PIWIL3: variants seen among roughly 807,000 people sequenced by gnomAD.
The protein encoded by PIWIL3 is piwi like RNA-mediated gene silencing 3.
A neutral mutation model predicts 109.7 loss-of-function variants in PIWIL3; 101 were observed. The observed-to-expected ratio is 0.92, with a 90% CI of 0.78 to 1.09. PIWIL3 has a LOEUF of 1.09. Among genes scored for constraint, PIWIL3 ranks in the 50% least tolerant of loss-of-function variants. The pLI is 0.00. For synonymous variants in PIWIL3, 373 were observed against 376.4 expected (o/e 0.99, Z 0.10); for missense variants, 1,031 against 1,072.6 (o/e 0.96, Z 0.54).
Position 24,761,134 on chromosome 22 carries a change from G to C in PIWIL3, c.103-1145C>G, listed in dbSNP as rs115342800. On this transcript the variant is annotated intron_variant, in intron 2 of 20. Transcript: ENST00000616349. ...GTGTGAGTTGTCCACGGACACCCGT[G>C]GGGGTGTTAGGTGGTGCAGGAGAGG... Among the ~76,000 whole-genome samples the C allele has an allele frequency of 1.3e-4, 20 of 152,192 alleles. No individual in the cohort carries two copies. The East Asian group carries it at 3.7e-3, about 28-fold the overall frequency.
At chr22:24,773,959 C>T (rs1043663859) in intron 1 of PIWIL3, among the ~76,000 whole-genome samples, 14 of 151,958 alleles carry the variant, frequency 9.2e-5, no homozygotes, top group African/African-American at 3.1e-4. Flanking sequence ...ATGGTCCAGC[C>T]GCCTCAGCCT....
chr22:24,755,923 C>CAAA lies in PIWIL3; in HGVS notation c.571-21_571-19dup. 2 of 1,538,452 alleles carry CAAA rather than the reference C, an allele frequency of 1.3e-6. No homozygotes were observed. The highest frequency in any genetic ancestry group is 8.8e-7 in the Non-Finnish European group (1 of 1,135,860). ...TCCACTCTCTGAGATTAAAAAAAAA[C>CAAA]AAAAAAAAAAGTCCAGATATTCTTC... On this transcript the variant is annotated intron_variant, in intron 5 of 20. Coordinates refer to ENST00000616349, the MANE Select transcript of PIWIL3 (RefSeq NM_001255975.1).
chr22:24,747,454 G>A (rs1334520519), intron 12 of PIWIL3, among the ~76,000 whole-genome samples: 3 of 152,086 alleles, frequency 2.0e-5, no homozygotes, highest in Admixed American at 6.5e-5. Context: ...AAATGGATAT[G>A]TAGGATCACA....
chr22:24,754,622 TCTTA>T (rs1924911820), intron 7 of PIWIL3, among the ~76,000 whole-genome samples, 158 bp downstream of exon 7: 1 of 152,214 alleles, frequency 6.6e-6, no homozygotes, highest in South Asian at 2.1e-4. Flanking sequence ...TTAAAGTAAC[TCTTA>T]CTGAGTTGAC....
chr22:24,755,770 C>G lies in PIWIL3; in HGVS notation c.692+14G>C, dbSNP rs773473404. 1 of 1,613,764 alleles carries G rather than the reference C, an allele frequency of 6.2e-7. No homozygotes were observed. The highest frequency in any genetic ancestry group is 8.5e-7 in the Non-Finnish European group (1 of 1,179,788). On this transcript the variant is annotated intron_variant, in intron 6 of 20. Transcript: ENST00000616349. ...CCGAATGAGTATCAAAGAAACTCAA[C>G]CCCGGTAACATACCTTCTAAAGAGA...
chr22:24,723,144 C>A lies in PIWIL3; in HGVS notation c.2343G>T (p.Leu781Phe). ...PPPGTVIDVE[L>F]TRNEWYDFFI... Reference sequence around the variant, plus strand: ...AGGTGGCTTACCATTCATTCCTAGTCAACTCTACATCAATAACTGTTCCTG... The same window carrying A: ...AGGTGGCTTACCATTCATTCCTAGTAAACTCTACATCAATAACTGTTCCTG... The change falls in exon 19 of 21, where the codon TTG becomes TTT. Residue 781 changes from leucine to phenylalanine, a missense_variant. Leu to Phe is a conservative substitution (Grantham distance 22). Transcript: ENST00000616349. 1 of 1,613,448 alleles carries A rather than the reference C, an allele frequency of 6.2e-7. No homozygotes were observed. The highest frequency in any genetic ancestry group is 1.1e-5 in the South Asian group (1 of 91,050).
At chr22:24,744,238 A>T (rs950827260) in intron 12 of PIWIL3, among the ~76,000 whole-genome samples, 2 of 149,398 alleles carry the variant, frequency 1.3e-5, no homozygotes, top group Non-Finnish European at 3.0e-5. Context: ...AAAACACTTG[A>T]CCTATAAAGA....
intron 1 of PIWIL3, among the ~76,000 whole-genome samples, chr22:24,771,384 A>G (rs891004179): frequency 1.3e-5 from 2 of 151,362 alleles, no homozygotes; most frequent in South Asian, 2.1e-4. Context: ...AGGCTGAGGC[A>G]GGAGAATGGC....
chr22:24,746,364 C>A lies in PIWIL3; in HGVS notation c.1449+2543G>T, dbSNP rs182933723. Among the ~76,000 whole-genome samples the A allele has an allele frequency of 4.6e-5, 7 of 152,198 alleles. No individual in the cohort carries two copies. The East Asian group carries it at 1.2e-3, about 25-fold the overall frequency. ...ATGCTGAGCAGCATTTATTAAAATTCAATATCCCTTCATAATTGAAAACCC... is the reference window on the plus strand; with the variant it reads ...ATGCTGAGCAGCATTTATTAAAATTAAATATCCCTTCATAATTGAAAACCC... On this transcript the variant is annotated intron_variant, in intron 12 of 20. Transcript: ENST00000616349.
At chr22:24,767,934 C>T (rs1289347055) in intron 1 of PIWIL3, among the ~76,000 whole-genome samples, 3 of 152,176 alleles carry the variant, frequency 2.0e-5, no homozygotes, top group African/African-American at 7.2e-5. Flanking sequence ...CTGGGTTCAT[C>T]CCCAAGCTCA....
chr22:24,731,390 C>A (rs979515923), intron 14 of PIWIL3, among the ~76,000 whole-genome samples: 1 of 152,212 alleles, frequency 6.6e-6, no homozygotes, highest in Non-Finnish European at 1.5e-5. Flanking sequence ...TGGTGGCTCA[C>A]GCCTGTTATC....
intron 7 of PIWIL3, 54 bp from the exon 8 acceptor site, chr22:24,754,271 G>A: frequency 6.7e-7 from 1 of 1,485,420 alleles, no homozygotes; most frequent in Non-Finnish European, 9.3e-7. Context: ...AAAGCCAAGG[G>A]TTTCCAAGCC....
intron 7 of PIWIL3, 26 bp downstream of exon 7, chr22:24,754,756 AGT>A (rs1265988330): frequency 2.6e-6 from 4 of 1,516,256 alleles, no homozygotes; most frequent in East Asian, 4.5e-5. Flanking sequence ...AAGTCTGCAG[AGT>A]GTGAAATTTT....
intron 1 of PIWIL3, among the ~76,000 whole-genome samples, chr22:24,766,420 G>A (rs553665334): frequency 5.3e-5 from 8 of 152,154 alleles, no homozygotes; most frequent in East Asian, 1.9e-4. Flanking sequence ...CTGGGTTCAC[G>A]CCATTCTCCT....
At position 24,735,742 on chromosome 22, in the gene PIWIL3, C is replaced by T; in HGVS notation, c.1600G>A (p.Ala534Thr). The change falls in exon 13 of 21, where the codon GCC becomes ACC. Residue 534 changes from alanine (A) to threonine (T), a missense_variant. By Grantham distance (58) the Ala-to-Thr change is moderately conservative. Transcript: ENST00000616349. ...GGTTTCATAGTTATGCCCATGGGGG[C>T]TGTGACACTCTGTAGATGACCCTTT... is the stretch of plus-strand genomic sequence containing the variant. ...SLKGHLQSVT[A>T]PMGITMKPAE... 3 of 1,611,396 alleles carry T rather than the reference C, an allele frequency of 1.9e-6. No individual in the cohort carries two copies. Among genetic ancestry groups the T allele is most frequent in the Non-Finnish European group, 2.5e-6 (3 of 1,179,252 alleles).
intron 16 of PIWIL3, among the ~76,000 whole-genome samples, chr22:24,726,507 G>C (rs1246350764): frequency 6.6e-6 from 1 of 152,016 alleles, no homozygotes; most frequent in South Asian, 2.1e-4. Flanking sequence ...GTATGGTCTC[G>C]ATCTCCTGAC....
At chr22:24,743,609 G>A (rs1924134220) in intron 12 of PIWIL3, among the ~76,000 whole-genome samples, 1 of 152,160 alleles carries the variant, frequency 6.6e-6, no homozygotes, top group African/African-American at 2.4e-5. Context: ...TCATAAGTGG[G>A]AGCTGAACTA....
intron 12 of PIWIL3, 114 bp downstream of exon 12, chr22:24,748,793 G>A: frequency 1.4e-6 from 1 of 740,496 alleles, no homozygotes; most frequent in Non-Finnish European, 2.2e-6. Context: ...GAAAGAATGA[G>A]CAGTCTGAAA....
In PIWIL3 at chr22:24,728,365, T is replaced by C. The variant is rs958459224; in HGVS notation, c.1717A>G (p.Ile573Val). 6.2e-7 allele frequency: 1 copy of C among 1,614,034 alleles called. No homozygotes were observed. The highest frequency in any genetic ancestry group is 1.3e-5 in the African/African-American group (1 of 74,908). The change falls in exon 15 of 21, where the codon ATC (isoleucine) becomes GTC (valine). Residue 573 changes from isoleucine (I) to valine (V), a missense_variant. Transcript: ENST00000616349. ...CTACGTTTGTCATCATTGGGCAGGA[T>C]ACAAATCACCTTGAAAACCAGCAAA... ...TRPTLQMVIC[I>V]LPNDDKRRYD...
Sources: allele counts gnomAD v4.1 joint callset (sites outside exome capture counted in the v4.1 genomes callset), GRCh38; gene constraint gnomAD v4.1.1; transcripts MANE v1.5; gene names NCBI Gene and HGNC (gene_info 2026-07-23, HGNC 2026-07-21).